Variants in FAM219A observed in about 807,000 individuals in gnomAD.
FAM219A encodes the protein family with sequence similarity 219 member A.
FAM219A carries 7 observed loss-of-function variants against 23.4 expected under a neutral mutation model. The ratio of observed to expected loss-of-function variants is 0.30; its 90% CI spans 0.17 to 0.56. The LOEUF (loss-of-function observed/expected upper bound fraction) is 0.56, where lower values mean the gene tolerates loss of function less well. Among genes scored for constraint, FAM219A ranks in the 20% least tolerant of loss-of-function variants. The probability of loss-of-function intolerance (pLI) is 0.92; values close to 1 mark genes in which losing one functional copy is unlikely to be tolerated. For synonymous variants in FAM219A, 93 were observed against 99.0 expected, an observed-to-expected ratio of 0.94 and a Z score of 0.36; for missense variants, 166 against 246.9, an observed-to-expected ratio of 0.67 and a Z score of 2.20.
chr9:34,415,112 C>T (rs949568083), intron 1 of FAM219A, among the ~76,000 whole-genome samples: 5 of 104,044 alleles, frequency 4.8e-5, no homozygotes, highest in Admixed American at 2.0e-4. Context: ...AGCCACTATG[C>T]CTGGCTAAAT....
In FAM219A at chr9:34,399,932, A is replaced by C. The variant is rs1821359566; in HGVS notation, c.*1032T>G. The C allele has an allele frequency of 6.6e-6, 1 of 152,626 alleles. No individual in the cohort carries two copies. Among genetic ancestry groups the C allele is most frequent in the Non-Finnish European group, 1.5e-5 (1 of 68,364 alleles). The allele number at this position is 152,626 out of a possible 1,614,324, so 9.5% of individuals were successfully genotyped here. ...TGACAGGAATAGACTGAGGAGAGAC[A>C]GGTCCAACAGAGACACACACCCACC... is the stretch of plus-strand genomic sequence containing the variant. On this transcript the variant is annotated 3_prime_UTR_variant, in exon 6 of 6. Transcript: ENST00000651358.
At chr9:34,428,821 G>T (rs1160218968) in intron 1 of FAM219A, among the ~76,000 whole-genome samples, 2 of 152,144 alleles carry the variant, frequency 1.3e-5, no homozygotes, top group African/African-American at 4.8e-5. Flanking sequence ...TCTTCTCCAG[G>T]CTTCCTTGTG....
At chr9:34,436,935 TTTTG>T (rs778646520) in intron 1 of FAM219A, among the ~76,000 whole-genome samples, 19 of 152,174 alleles carry the variant, frequency 1.2e-4, no homozygotes, top group African/African-American at 1.9e-4. Context: ...GGTAGCTGGT[TTTTG>T]TTTGTTTGTT....
Position 34,398,378 on chromosome 9 carries a change from T to A in FAM219A, c.*2586A>T. 6.5e-7 allele frequency: 1 copy of A among 1,545,746 alleles called. No homozygotes were observed. Among genetic ancestry groups the A allele is most frequent in the Non-Finnish European group, 8.7e-7 (1 of 1,144,890 alleles). Reference sequence around the variant, plus strand: ...CAGCCACAGCTGAGAGAGGAGGGAGTGTTAAGGCAGTATCTACAAGGGGAA... The same window carrying A: ...CAGCCACAGCTGAGAGAGGAGGGAGAGTTAAGGCAGTATCTACAAGGGGAA... On this transcript the variant is annotated 3_prime_UTR_variant, in exon 6 of 6. Coordinates refer to ENST00000651358, the MANE Select transcript of FAM219A (RefSeq NM_001184940.2).
chr9:34,400,884 G>C lies in FAM219A; in HGVS notation c.*80C>G. On this transcript the variant is annotated 3_prime_UTR_variant, in exon 6 of 6. Transcript: ENST00000651358. The stretch of plus-strand genomic sequence containing the variant: ...GGCGCGGGGCCGGGGGCAGGCAGAC[G>C]AGCTGGGAAGGGGTCGGCCTCTGCC... The C allele has an allele frequency of 1.4e-6, 2 of 1,394,506 alleles. No individual in the cohort carries two copies. Among genetic ancestry groups the C allele is most frequent in the African/African-American group, 1.5e-5 (1 of 67,146 alleles). 86.4% of individuals were successfully genotyped at this position (1,394,506 alleles called of 1,614,324 possible).
chr9:34,454,954 G>A (rs1823679802), intron 1 of FAM219A, among the ~76,000 whole-genome samples: 1 of 152,172 alleles, frequency 6.6e-6, no homozygotes, highest in Non-Finnish European at 1.5e-5. Context: ...AAGGGGCAAT[G>A]ATGATGACAC....
chr9:34,411,862 G>T (rs1821836980), intron 1 of FAM219A, among the ~76,000 whole-genome samples: 1 of 152,196 alleles, frequency 6.6e-6, no homozygotes, highest in African/African-American at 2.4e-5. Flanking sequence ...TAGTTTAAGA[G>T]TGAGGAGTAA....
intron 1 of FAM219A, among the ~76,000 whole-genome samples, chr9:34,429,064 A>G (rs1461213965): frequency 1.3e-5 from 2 of 152,218 alleles, no homozygotes; most frequent in Non-Finnish European, 2.9e-5. Flanking sequence ...CTTCTAGCCC[A>G]AACTCTGCCA....
intron 2 of FAM219A, among the ~76,000 whole-genome samples, 154 bp from the exon 3 acceptor site, chr9:34,402,961 G>A (rs1004108878): frequency 2.0e-5 from 3 of 152,208 alleles, no homozygotes; most frequent in African/African-American, 4.8e-5. Context: ...GCTGCTTGGT[G>A]GAGATAGTAC....
rs200930036 is a variant in FAM219A at position 34,402,458 on chromosome 9, G to A, written c.273C>T (p.Val91=). The part of the protein sequence containing the change: ...NNVMARTRLV[V]PNKGYSSLDQ... ...CAAGTGAGGAGTAGCCTTTATTGGG[G>A]ACGACCAGCCTAGGTGAAGAATTTC... The change falls in exon 4 of 6, where the codon GTC becomes GTT. Residue 91 remains valine, a synonymous_variant. Coordinates refer to ENST00000651358, the MANE Select transcript of FAM219A (RefSeq NM_001184940.2). 2.3e-4 allele frequency: 365 copies of A among 1,614,184 alleles called. No homozygotes were observed. Among genetic ancestry groups the A allele is most frequent in the Admixed American group, 3.8e-4 (23 of 60,032 alleles).
chr9:34,439,133 C>T (rs1229196045), intron 1 of FAM219A, among the ~76,000 whole-genome samples: 1 of 152,120 alleles, frequency 6.6e-6, no homozygotes, highest in Non-Finnish European at 1.5e-5. Context: ...GAAGAAACTC[C>T]GAACACATCT....
intron 1 of FAM219A, among the ~76,000 whole-genome samples, chr9:34,451,368 G>A (rs1823554896): frequency 1.3e-5 from 2 of 152,178 alleles, no homozygotes; most frequent in Admixed American, 6.5e-5. Flanking sequence ...AATGACTTGG[G>A]ACCCTGCTGA....
intron 1 of FAM219A, among the ~76,000 whole-genome samples, chr9:34,435,012 G>A (rs1822851521): frequency 6.6e-6 from 1 of 152,112 alleles, no homozygotes; most frequent in Admixed American, 6.5e-5. Context: ...GTGGAGATGG[G>A]GTTTCACTAT....
chr9:34,444,641 G>C (rs956108088), intron 1 of FAM219A, among the ~76,000 whole-genome samples: 2 of 152,086 alleles, frequency 1.3e-5, no homozygotes, highest in African/African-American at 4.8e-5. Flanking sequence ...GGAGAAGATG[G>C]GAAAAGGCCA....
intron 1 of FAM219A, among the ~76,000 whole-genome samples, chr9:34,436,210 ATGTG>A (rs1822910441): frequency 6.6e-6 from 1 of 151,698 alleles, no homozygotes; most frequent in South Asian, 2.1e-4. Context: ...AAAATTATGT[ATGTG>A]TATTTATTTA....
At chr9:34,426,226 T>C (rs1448487257) in intron 1 of FAM219A, among the ~76,000 whole-genome samples, 2 of 152,354 alleles carry the variant, frequency 1.3e-5, no homozygotes, top group African/African-American at 4.8e-5. Context: ...CCTTCTATTT[T>C]ACACTCCAAT....
chr9:34,440,728 T>C (rs1301159290), intron 1 of FAM219A, among the ~76,000 whole-genome samples: 2 of 151,510 alleles, frequency 1.3e-5, no homozygotes, highest in Non-Finnish European at 2.9e-5. Context: ...CGGGCGCCTG[T>C]AGTCCCAGCT....
At chr9:34,444,236 T>C (rs1823287795) in intron 1 of FAM219A, among the ~76,000 whole-genome samples, 1 of 152,228 alleles carries the variant, frequency 6.6e-6, no homozygotes, top group Admixed American at 6.5e-5. Context: ...GGCTACTGGC[T>C]TTCCCACCAG....
intron 1 of FAM219A, among the ~76,000 whole-genome samples, chr9:34,419,058 G>T (rs1216707751): frequency 2.0e-5 from 3 of 151,716 alleles, no homozygotes; most frequent in Non-Finnish European, 4.4e-5. Flanking sequence ...TTGGGTGATA[G>T]AGCAAGACTC....
Sources: allele counts gnomAD v4.1 joint callset (sites outside exome capture counted in the v4.1 genomes callset), GRCh38; gene constraint gnomAD v4.1.1; transcripts MANE v1.5; gene names NCBI Gene and HGNC (gene_info 2026-07-23, HGNC 2026-07-21).